GEMIN5: variants seen among roughly 807,000 people sequenced by gnomAD.
The protein encoded by GEMIN5 is gem-associated protein 5.
In GEMIN5, 124 loss-of-function variants were observed where a neutral mutation model predicts 176.9. The ratio of observed to expected loss-of-function variants is 0.70; its 90% CI spans 0.61 to 0.81. The LOEUF is 0.81. Among genes scored for constraint, GEMIN5 ranks in the 40% least tolerant of loss-of-function variants. GEMIN5 has a pLI of 0.00. For synonymous variants in GEMIN5, 673 were observed against 665.2 expected (o/e 1.01, Z -0.18); for missense variants, 1,843 against 1,814.6 (o/e 1.02, Z -0.28).
intron 16 of GEMIN5, among the ~76,000 whole-genome samples, chr5:154,906,885 C>T (rs1017770987): frequency 1.3e-5 from 2 of 152,202 alleles, no homozygotes; most frequent in Non-Finnish European, 2.9e-5. Context: ...TGAGTTACTG[C>T]TTCTACTTAC....
chr5:154,891,620 G>A lies in GEMIN5; in HGVS notation c.3883C>T (p.Pro1295Ser). ...LYEFWWSLSR[P>S]CPNSSVWVRA... Reference sequence around the variant, plus strand: ...ACCCAGACACTGGAATTTGGGCAAGGTCTGGAGAGAGACCACCAGAATTCA... The same window carrying A: ...ACCCAGACACTGGAATTTGGGCAAGATCTGGAGAGAGACCACCAGAATTCA... The change falls in exon 26 of 28, where the codon CCT (proline) becomes TCT (serine). Residue 1295 changes from proline to serine, a missense_variant. Physicochemically the swap from Pro to Ser is moderately conservative, Grantham distance 74. Coordinates refer to ENST00000285873, the MANE Select transcript of GEMIN5 (RefSeq NM_015465.5). The A allele has an allele frequency of 1.2e-6, 2 of 1,614,160 alleles. No individual in the cohort carries two copies. The highest frequency in any genetic ancestry group is 1.7e-6 in the Non-Finnish European group (2 of 1,180,034).
In GEMIN5 at chr5:154,910,531, T is replaced by C. The variant is rs141837144; in HGVS notation, c.2167+1196A>G. On this transcript the variant is annotated intron_variant, in intron 15 of 27. Coordinates refer to ENST00000285873, the MANE Select transcript of GEMIN5 (RefSeq NM_015465.5). Reference sequence around the variant, plus strand: ...TGTTGCCAGGCTGGTCTCAAACTCCTGGCCTCAAGTGATCCTCTAGCCTTG... The same window carrying C: ...TGTTGCCAGGCTGGTCTCAAACTCCCGGCCTCAAGTGATCCTCTAGCCTTG... 5.2e-3 allele frequency among the ~76,000 whole-genome samples: 791 copies of C among 152,316 alleles called. 5 individuals are homozygous for C. The highest frequency in any genetic ancestry group is 0.018 in the African/African-American group (742 of 41,580).
At position 154,921,416 on chromosome 5, in the gene GEMIN5, C is replaced by G. The variant is rs1021873557; in HGVS notation, c.1389G>C (p.Gln463His). 1 of 1,439,646 alleles carries G rather than the reference C, an allele frequency of 6.9e-7. No individual in the cohort carries two copies. Among genetic ancestry groups the G allele is most frequent in the Non-Finnish European group, 9.6e-7 (1 of 1,045,198 alleles). 89.2% of individuals were successfully genotyped at this position (1,439,646 alleles called of 1,614,324 possible). A position where few individuals can be genotyped will look rare whatever the true frequency, so the allele number is the denominator to read the frequency against. ...LYDTYSNKPPQISSTYHKKTV... is the reference protein window; with the variant it reads ...LYDTYSNKPPHISSTYHKKTV... ...TCTTCTTATGATATGTGCTAGAAATCTGTGGAGGCCTTTAGAAGAGCAGGG... is the reference window on the plus strand; with the variant it reads ...TCTTCTTATGATATGTGCTAGAAATGTGTGGAGGCCTTTAGAAGAGCAGGG... Residue 463 changes from glutamine to histidine, a missense_variant, in exon 10 of 28, where the codon CAG (glutamine) becomes CAC (histidine). Coordinates refer to ENST00000285873, the MANE Select transcript of GEMIN5 (RefSeq NM_015465.5).
intron 13 of GEMIN5, among the ~76,000 whole-genome samples, chr5:154,914,330 A>G (rs993089581): frequency 6.6e-5 from 10 of 151,950 alleles, no homozygotes; most frequent in Admixed American, 3.3e-4. Flanking sequence ...CTAAATAAAT[A>G]ATTTTTAAAA....
intron 16 of GEMIN5, 70 bp downstream of exon 16, chr5:154,907,521 G>A (rs1308417577): frequency 1.3e-5 from 14 of 1,091,470 alleles, no homozygotes; most frequent in Non-Finnish European, 1.8e-5. Flanking sequence ...TTCAAACTGA[G>A]TAAGGACCTA....
At chr5:154,928,861 T>C (rs763958819) in intron 5 of GEMIN5, among the ~76,000 whole-genome samples, 3 of 152,212 alleles carry the variant, frequency 2.0e-5, no homozygotes, top group South Asian at 4.1e-4. Context: ...TGGTTAATAC[T>C]AGTCTAGCTA....
At position 154,938,044 on chromosome 5, in the gene GEMIN5, G is replaced by A. The variant is rs1402915659; in HGVS notation, c.90C>T (p.Phe30=). ...SDAVPGGLFG[F]AARTSVFLVR... Reference sequence around the variant, plus strand: ...CAAGGAAGACGGAGGTCCGCGCGGCGAAGCCAAAGAGGCCCCCGGGCACGG... The same window carrying A: ...CAAGGAAGACGGAGGTCCGCGCGGCAAAGCCAAAGAGGCCCCCGGGCACGG... The change falls in exon 1 of 28, where the codon TTC becomes TTT. Residue 30 remains phenylalanine (F), a synonymous_variant. Coordinates refer to ENST00000285873, the MANE Select transcript of GEMIN5 (RefSeq NM_015465.5). 1 of 1,547,340 alleles carries A rather than the reference G, an allele frequency of 6.5e-7. No individual in the cohort carries two copies. Among genetic ancestry groups the A allele is most frequent in the South Asian group, 1.2e-5 (1 of 84,778 alleles).
chr5:154,921,311 CA>C (rs1474711182), intron 10 of GEMIN5, 31 bp downstream of exon 10: 2 of 914,114 alleles, frequency 2.2e-6, no homozygotes, highest in Admixed American at 3.5e-5. Flanking sequence ...AGAATACTCT[CA>C]TATTTGTTAT....
At chr5:154,934,216 C>T (rs958807696) in intron 3 of GEMIN5, among the ~76,000 whole-genome samples, 7 of 151,926 alleles carry the variant, frequency 4.6e-5, no homozygotes, top group African/African-American at 7.3e-5. Flanking sequence ...GACAGAGTTT[C>T]GCTCTTGTTG....
Position 154,916,989 on chromosome 5 carries a change from CAA to C in GEMIN5, c.1855+7_1855+8del, listed in dbSNP as rs1763823534. On this transcript the variant is annotated splice_region_variant and intron_variant, in intron 13 of 27. Transcript: ENST00000285873. The stretch of plus-strand genomic sequence containing the variant: ...ATATCATCCCCAGTATGAAAGAAAC[CAA>C]AGTTACCTATGACAGTCTTCAGGTT... 1 of 1,519,746 alleles carries C rather than the reference CAA, an allele frequency of 6.6e-7. No homozygotes were observed. Among genetic ancestry groups the C allele is most frequent in the African/African-American group, 1.4e-5 (1 of 72,518 alleles). The allele number at this position is 1,519,746 out of a possible 1,614,324, so 94.1% of individuals were successfully genotyped here.
intron 7 of GEMIN5, among the ~76,000 whole-genome samples, chr5:154,926,794 C>T (rs1764046727): frequency 6.6e-6 from 1 of 152,176 alleles, no homozygotes; most frequent in Non-Finnish European, 1.5e-5. Flanking sequence ...GCCTGTAATC[C>T]CAGCACTTTG....
At chr5:154,917,827 T>A (rs188107428) in intron 12 of GEMIN5, 104 bp downstream of exon 12, 2 of 766,398 alleles carry the variant, frequency 2.6e-6, no homozygotes, top group Non-Finnish European at 4.6e-6. Context: ...AAATACCAAA[T>A]ACAACTGGGC....
At chr5:154,927,245 G>A (rs914376361) in intron 7 of GEMIN5, 140 bp downstream of exon 7, 7 of 576,494 alleles carry the variant, frequency 1.2e-5, no homozygotes, top group African/African-American at 9.3e-5. Flanking sequence ...TATATTCAGT[G>A]CTGATCTGTA....
intron 26 of GEMIN5, among the ~76,000 whole-genome samples, chr5:154,890,221 T>C (rs1763196267): frequency 6.6e-6 from 1 of 152,240 alleles, no homozygotes; most frequent in Non-Finnish European, 1.5e-5. Flanking sequence ...ATGTTGAGCA[T>C]CATTTCCTGT....
In GEMIN5 at chr5:154,887,512, T is replaced by A. The variant is rs1763134270; in HGVS notation, c.*698A>T. 1 of 152,236 alleles carries A rather than the reference T, an allele frequency of 6.6e-6. No individual in the cohort carries two copies. Among genetic ancestry groups the A allele is most frequent in the South Asian group, 2.1e-4 (1 of 4,836 alleles). The allele number at this position is 152,236 out of a possible 1,614,324, so 9.4% of individuals were successfully genotyped here. On this transcript the variant is annotated 3_prime_UTR_variant, in exon 28 of 28. Coordinates refer to ENST00000285873, the MANE Select transcript of GEMIN5 (RefSeq NM_015465.5). ...TTGAAACAGTAATTTATTCCTGAGCTATTTGACTGCCATCAATCCATTTGT... is the reference window on the plus strand; with the variant it reads ...TTGAAACAGTAATTTATTCCTGAGCAATTTGACTGCCATCAATCCATTTGT...
rs1763602946 is a variant in GEMIN5, at chr5:154,907,808, ACT to A, written c.2176_2177del (p.Ser726TyrfsTer2). 6.2e-7 allele frequency: 1 copy of A among 1,612,268 alleles called. No individual in the cohort carries two copies. Among genetic ancestry groups the A allele is most frequent in the South Asian group, 1.1e-5 (1 of 90,940 alleles). On this transcript the variant is annotated frameshift_variant, in exon 16 of 28. Transcript: ENST00000285873. LOFTEE classifies it high-confidence loss of function. Reference protein sequence around the residue: ...DHSRPPQGKKSIELEKKRLSQ... With the variant: ...DHSRPPQGKKXIELEKKRLSQ... ...AGAGCCGTTTTTTCTCCAATTCAAT[ACT>A]TTTTTTGCCTACAAGAATCACAATA...
At chr5:154,922,697 GTT>G (rs941015595) in intron 9 of GEMIN5, among the ~76,000 whole-genome samples, 5 of 135,308 alleles carry the variant, frequency 3.7e-5, no homozygotes, top group Admixed American at 7.5e-5. Context: ...CTTTAAAACA[GTT>G]TTTTTTTTTT....
chr5:154,907,926 T>C (rs1156261927), intron 15 of GEMIN5, 108 bp from the exon 16 acceptor site: 1 of 727,222 alleles, frequency 1.4e-6, no homozygotes, highest in African/African-American at 1.8e-5. Flanking sequence ...TTTTTACCCA[T>C]TCCCTTTCTT....
chr5:154,916,984 G>T lies in GEMIN5; in HGVS notation c.1855+14C>A. On this transcript the variant is annotated intron_variant, in intron 13 of 27. Transcript: ENST00000285873. ...AAACGATATCATCCCCAGTATGAAAGAAACCAAAGTTACCTATGACAGTCT... is the reference window on the plus strand; with the variant it reads ...AAACGATATCATCCCCAGTATGAAATAAACCAAAGTTACCTATGACAGTCT... 1 of 1,480,608 alleles carries T rather than the reference G, an allele frequency of 6.8e-7. No homozygotes were observed. Among genetic ancestry groups the T allele is most frequent in the Admixed American group, 1.9e-5 (1 of 51,460 alleles). 91.7% of individuals were successfully genotyped at this position (1,480,608 alleles called of 1,614,324 possible).
Sources: allele counts gnomAD v4.1 joint callset (sites outside exome capture counted in the v4.1 genomes callset), GRCh38; gene constraint gnomAD v4.1.1; transcripts MANE v1.5; gene names NCBI Gene and HGNC (gene_info 2026-07-23, HGNC 2026-07-21).